Variants in ELAVL2 observed in about 807,000 individuals in gnomAD.
ELAVL2 encodes ELAV-like protein 2.
ELAVL2 carries 4 observed loss-of-function variants against 34.6 expected under a neutral mutation model. The ratio of observed to expected loss-of-function variants is 0.12; its 90% CI spans 0.06 to 0.26. The LOEUF (loss-of-function observed/expected upper bound fraction) is 0.26, where lower values mean the gene tolerates loss of function less well. Among genes scored for constraint, ELAVL2 ranks in the 10% least tolerant of loss-of-function variants. ELAVL2 has a pLI of 1.00. For missense variants in ELAVL2, 432 were observed against 442.8 expected (o/e 0.98, Z 0.22); for synonymous variants, 193 against 154.8 (o/e 1.25, Z -1.83).
intron 1 of ELAVL2, among the ~76,000 whole-genome samples, chr9:23,817,063 C>G (rs2063819102): frequency 1.3e-5 from 2 of 151,744 alleles, no homozygotes; most frequent in Admixed American, 1.3e-4. Flanking sequence ...AAAAACCTAT[C>G]ATTTTACTGT....
At chr9:23,700,747 G>C (rs535155855) in intron 5 of ELAVL2, among the ~76,000 whole-genome samples, 16 of 152,284 alleles carry the variant, frequency 1.1e-4, no homozygotes, top group Admixed American at 9.2e-4. Flanking sequence ...TTTTGAAAAG[G>C]AAGAGAGGAA....
intron 1 of ELAVL2, among the ~76,000 whole-genome samples, chr9:23,769,576 T>TA (rs2056935089): frequency 6.6e-6 from 1 of 152,204 alleles, no homozygotes; most frequent in African/African-American, 2.4e-5. Context: ...TAAAGGTTTG[T>TA]AGCTTTAAAT....
At chr9:23,779,756 C>G in intron 1 of ELAVL2, among the ~76,000 whole-genome samples, 1 of 151,800 alleles carries the variant, frequency 6.6e-6, no homozygotes, top group Non-Finnish European at 1.5e-5. Flanking sequence ...CGGAAAGTTT[C>G]TGTGATTTCA....
intron 1 of ELAVL2, among the ~76,000 whole-genome samples, chr9:23,824,550 T>G (rs984407694): frequency 3.9e-5 from 6 of 151,992 alleles, no homozygotes; most frequent in Admixed American, 2.0e-4. Context: ...ACATGAGCGC[T>G]CTCACGCACA....
intron 1 of ELAVL2, among the ~76,000 whole-genome samples, chr9:23,806,975 G>T (rs1588689693): frequency 6.6e-6 from 1 of 152,052 alleles, no homozygotes; most frequent in South Asian, 2.1e-4. Flanking sequence ...GCTTCCTTCT[G>T]CACCTAAGGA....
intron 2 of ELAVL2, among the ~76,000 whole-genome samples, chr9:23,740,955 A>G (rs774945807): frequency 1.3e-5 from 2 of 152,214 alleles, no homozygotes; most frequent in African/African-American, 2.4e-5. Context: ...TGGAAAAAAG[A>G]TGGGATCAAT....
chr9:23,820,154 G>A (rs1056018667), intron 1 of ELAVL2, among the ~76,000 whole-genome samples: 2 of 152,180 alleles, frequency 1.3e-5, no homozygotes, highest in Non-Finnish European at 2.9e-5. Context: ...CGATTCTTGA[G>A]AAAACTCTTC....
intron 1 of ELAVL2, among the ~76,000 whole-genome samples, chr9:23,780,260 T>C (rs932890778): frequency 2.6e-5 from 4 of 152,038 alleles, no homozygotes; most frequent in Admixed American, 6.5e-5. Flanking sequence ...TGCATGAGAT[T>C]CAAAAATAAG....
chr9:23,701,167 C>CT lies in ELAVL2; in HGVS notation c.713+211dup, dbSNP rs113464649. Among the ~76,000 whole-genome samples, 241 of 152,338 alleles carry CT rather than the reference C, an allele frequency of 1.6e-3. 2 individuals carry two copies. Among genetic ancestry groups the CT allele is most frequent in the African/African-American group, 5.5e-3 (229 of 41,588 alleles). On this transcript the variant is annotated intron_variant, in intron 5 of 6. Coordinates refer to ENST00000397312, the MANE Select transcript of ELAVL2 (RefSeq NM_004432.5). ...GGTTAAGAATCACTGCTGTAGGTTA[C>CT]TGTCCTTTGGTCCCCACCTTCAATA...
At chr9:23,720,131 A>T (rs76573539) in intron 3 of ELAVL2, among the ~76,000 whole-genome samples, 2,901 of 147,902 alleles carry the variant, frequency 0.02, 192 homozygotes, top group Admixed American at 0.13. Context: ...CTGGCTCAAA[A>T]GCCACTTTCA....
chr9:23,810,020 A>C (rs1342436078), intron 1 of ELAVL2, among the ~76,000 whole-genome samples: 4 of 152,098 alleles, frequency 2.6e-5, no homozygotes, highest in African/African-American at 9.7e-5. Context: ...ATCCTGCCTG[A>C]TTGGGAACAC....
rs3793573 is a variant in ELAVL2 at position 23,715,407 on chromosome 9, C to G, written c.334-10336G>C. On this transcript the variant is annotated intron_variant, in intron 3 of 6. Transcript: ENST00000397312. Reference sequence around the variant, plus strand: ...TCGTGAGCCGCCCGTCTCGGCCTCCCAAAGCGCTGGGATTACAGGCGTGAG... The same window carrying G: ...TCGTGAGCCGCCCGTCTCGGCCTCCGAAAGCGCTGGGATTACAGGCGTGAG... Among the ~76,000 whole-genome samples, 27 of 152,322 alleles carry G rather than the reference C, an allele frequency of 1.8e-4. No individual in the cohort carries two copies. In the East Asian group the frequency reaches 5.0e-3, roughly 28 times the overall value.
chr9:23,847,084 G>C, the ELAVL2 span, among the ~76,000 whole-genome samples: 180 of 152,178 alleles, frequency 1.2e-3, no homozygotes, highest in Non-Finnish European at 2.3e-3. Flanking sequence ...TTAAATCCAT[G>C]ACTGAGTCAT....
intron 1 of ELAVL2, among the ~76,000 whole-genome samples, chr9:23,783,779 C>T (rs1390065101): frequency 3.3e-5 from 5 of 151,702 alleles, no homozygotes; most frequent in Non-Finnish European, 7.4e-5. Context: ...GAGATTGTAT[C>T]TGGATGACAG....
chr9:23,722,957 C>T (rs994399055), intron 3 of ELAVL2, among the ~76,000 whole-genome samples: 1 of 152,168 alleles, frequency 6.6e-6, no homozygotes, highest in East Asian at 1.9e-4. Context: ...CCAAACTGAC[C>T]TAGCACCACT....
chr9:23,830,640 T>TC (rs1265058567), upstream of ELAVL2, among the ~76,000 whole-genome samples: 1 of 101,482 alleles, frequency 9.9e-6, no homozygotes, highest in Non-Finnish European at 2.4e-5. Context: ...TTTTTTTTTT[T>TC]CCTGGACCAA....
At chr9:23,759,754 TTATATA>T (rs774471922) in intron 2 of ELAVL2, among the ~76,000 whole-genome samples, 1,531 of 81,336 alleles carry the variant, frequency 0.019, 62 homozygotes, top group African/African-American at 0.057. Flanking sequence ...ATATATAGTA[TTATATA>T]TATATATATA....
intron 1 of ELAVL2, chr9:23,821,568 C>G (rs376743792): frequency 6.6e-6 from 1 of 152,392 alleles, no homozygotes; most frequent in Non-Finnish European, 1.5e-5. Context: ...GGGCAAGGCG[C>G]GGACGCCGTC....
At chr9:23,696,036 T>C (rs1159197445) in intron 5 of ELAVL2, among the ~76,000 whole-genome samples, 1 of 152,194 alleles carries the variant, frequency 6.6e-6, no homozygotes, top group African/African-American at 2.4e-5. Context: ...TGTGAAGTTT[T>C]ACATGATACC....
Sources: gnomAD v4.1 joint callset for allele counts (sites outside exome capture counted in the v4.1 genomes callset) on GRCh38, gnomAD v4.1.1 for gene constraint, MANE v1.5 for transcripts, NCBI Gene and HGNC (gene_info 2026-07-23, HGNC 2026-07-21) for gene names.